Variants in ADGRB3 observed in about 807,000 individuals in gnomAD.
ADGRB3 encodes adhesion G protein-coupled receptor B3, also known as brain-specific angiogenesis inhibitor 3.
ADGRB3 carries 37 observed loss-of-function variants against 193.4 expected under a neutral mutation model. That is an observed-to-expected ratio of 0.19 (90% confidence interval 0.15 to 0.25). The LOEUF (loss-of-function observed/expected upper bound fraction) is 0.25. Among genes scored for constraint, ADGRB3 ranks in the 10% least tolerant of loss-of-function variants. The probability of loss-of-function intolerance (pLI) is 1.00; values close to 1 mark genes in which losing one functional copy is unlikely to be tolerated. For synonymous variants in ADGRB3, 690 were observed against 644.2 expected (o/e 1.07, Z -1.08); for missense variants, 1,637 against 1,852.9 (o/e 0.88, Z 2.14).
chr6:68,692,763 C>T (rs560172339), intron 3 of ADGRB3, among the ~76,000 whole-genome samples: 1 of 151,220 alleles, frequency 6.6e-6, no homozygotes, highest in African/African-American at 2.4e-5. Context: ...ATTTCTTCAT[C>T]TGTAAAATTG....
intron 20 of ADGRB3, among the ~76,000 whole-genome samples, chr6:69,271,572 C>G (rs1767179591): frequency 6.6e-6 from 1 of 152,098 alleles, no homozygotes; most frequent in African/African-American, 2.4e-5. Flanking sequence ...TCCAAGTTCC[C>G]TTAATTATGT....
At position 69,389,197 on chromosome 6, in the gene ADGRB3, A is replaced by G. The variant is rs912248196; in HGVS notation, c.*306A>G. 2 of 200,512 alleles carry G rather than the reference A, an allele frequency of 1.0e-5. No homozygotes were observed. Among genetic ancestry groups the G allele is most frequent in the Admixed American group, 5.4e-5 (1 of 18,560 alleles). The allele number at this position is 200,512 out of a possible 1,614,324, so 12.4% of individuals were successfully genotyped here. On this transcript the variant is annotated 3_prime_UTR_variant, in exon 32 of 32. Coordinates refer to ENST00000370598, the MANE Select transcript of ADGRB3 (RefSeq NM_001704.3). ...CGCTTCATATGGTTTAGTTTTCAAA[A>G]AACTTCACCATGAAGCACAATGTAT...
intron 15 of ADGRB3, among the ~76,000 whole-genome samples, chr6:69,054,887 T>G (rs931362678): frequency 2.0e-5 from 3 of 152,168 alleles, no homozygotes; most frequent in Non-Finnish European, 4.4e-5. Flanking sequence ...GTACCCAAAT[T>G]CCCATACTAT....
intron 17 of ADGRB3, among the ~76,000 whole-genome samples, chr6:69,166,775 C>T (rs895504513): frequency 6.6e-6 from 1 of 152,088 alleles, no homozygotes; most frequent in African/African-American, 2.4e-5. Flanking sequence ...TAGCTGTATC[C>T]TTCCATCTTC....
chr6:69,001,096 G>A (rs192385585), intron 11 of ADGRB3, among the ~76,000 whole-genome samples: 1 of 152,304 alleles, frequency 6.6e-6, no homozygotes, highest in East Asian at 1.9e-4. Flanking sequence ...AGTATAGCAT[G>A]TTCCACTTCT....
intron 3 of ADGRB3, among the ~76,000 whole-genome samples, chr6:68,794,025 C>T (rs1309069327): frequency 6.6e-6 from 1 of 152,100 alleles, no homozygotes; most frequent in East Asian, 1.9e-4. Flanking sequence ...GTAAAGCTGT[C>T]TCATTAGAAC....
intron 3 of ADGRB3, among the ~76,000 whole-genome samples, chr6:68,853,288 A>G (rs1768442273): frequency 6.6e-6 from 1 of 152,082 alleles, no homozygotes; most frequent in Non-Finnish European, 1.5e-5. Context: ...GAAAAAACCA[A>G]TTAACATCTT....
intron 20 of ADGRB3, among the ~76,000 whole-genome samples, chr6:69,254,957 G>T (rs968522637): frequency 4.7e-5 from 7 of 149,202 alleles, no homozygotes; most frequent in Admixed American, 4.1e-4. Context: ...AACATGTGGT[G>T]TTTGGTTTTT....
chr6:69,169,550 G>T (rs140507929), intron 17 of ADGRB3, among the ~76,000 whole-genome samples: 3 of 148,672 alleles, frequency 2.0e-5, no homozygotes, highest in African/African-American at 7.4e-5. Context: ...ATATAAGCAC[G>T]AATTGTGATT....
chr6:69,302,235 A>C lies in ADGRB3; in HGVS notation c.2815-22637A>C, dbSNP rs553916220. On this transcript the variant is annotated intron_variant, in intron 20 of 31. Coordinates refer to ENST00000370598, the MANE Select transcript of ADGRB3 (RefSeq NM_001704.3). ...TTTAAGTGCTCTAAGTGATAGGCTA[A>C]TTCACCAGTATTGCAAATGCAGTTA... Among the ~76,000 whole-genome samples, 5 of 152,132 alleles carry C rather than the reference A, an allele frequency of 3.3e-5. No individual in the cohort carries two copies. The South Asian group carries it at 8.3e-4, about 25-fold the overall frequency.
intron 17 of ADGRB3, among the ~76,000 whole-genome samples, chr6:69,084,820 A>G (rs914482704): frequency 6.6e-6 from 1 of 152,156 alleles, no homozygotes; most frequent in African/African-American, 2.4e-5. Context: ...GAGGTGAATG[A>G]TAAGAATCAA....
intron 13 of ADGRB3, among the ~76,000 whole-genome samples, chr6:69,023,568 A>G (rs1770333322): frequency 6.6e-6 from 1 of 152,166 alleles, no homozygotes; most frequent in Non-Finnish European, 1.5e-5. Flanking sequence ...TATGTATAGA[A>G]GTGAAGGAAG....
chr6:68,679,105 T>C (rs545110147), intron 3 of ADGRB3, among the ~76,000 whole-genome samples: 13 of 152,298 alleles, frequency 8.5e-5, no homozygotes, highest in Admixed American at 1.3e-4. Flanking sequence ...TTCTAAATTA[T>C]ATAGGAGTCA....
intron 10 of ADGRB3, among the ~76,000 whole-genome samples, chr6:68,991,657 G>A (rs16900396): frequency 0.02 from 3,008 of 152,014 alleles, 48 homozygotes; most frequent in East Asian, 0.051. Flanking sequence ...TGCCACTAGA[G>A]CACAGCAAAT....
At chr6:68,826,366 T>C (rs1181282330) in intron 3 of ADGRB3, among the ~76,000 whole-genome samples, 1 of 152,062 alleles carries the variant, frequency 6.6e-6, no homozygotes, top group African/African-American at 2.4e-5. Flanking sequence ...GTGTGGAAGC[T>C]GGGAACAGTA....
chr6:69,387,847 G>C (rs897219608), intron 31 of ADGRB3, among the ~76,000 whole-genome samples: 4 of 152,026 alleles, frequency 2.6e-5, no homozygotes, highest in African/African-American at 9.7e-5. Flanking sequence ...TTAAACGCCA[G>C]ATTTGGGGAG....
chr6:69,092,708 A>T (rs1313863176), intron 17 of ADGRB3, among the ~76,000 whole-genome samples: 2 of 152,212 alleles, frequency 1.3e-5, no homozygotes, highest in Non-Finnish European at 2.9e-5. Context: ...AAAAGTACAT[A>T]GAAGGCAGAA....
chr6:68,984,241 T>G (rs990290392), intron 10 of ADGRB3, among the ~76,000 whole-genome samples: 13 of 152,120 alleles, frequency 8.5e-5, no homozygotes, highest in African/African-American at 3.1e-4. Flanking sequence ...GACTGGAAAC[T>G]TTGAAACCTG....
intron 3 of ADGRB3, among the ~76,000 whole-genome samples, chr6:68,753,396 A>C (rs182622829): frequency 6.6e-6 from 1 of 152,290 alleles, no homozygotes; most frequent in Non-Finnish European, 1.5e-5. Flanking sequence ...TTAAGCCGCG[A>C]AGTAGTAGGT....
Sources: allele counts gnomAD v4.1 joint callset (sites outside exome capture counted in the v4.1 genomes callset), GRCh38; gene constraint gnomAD v4.1.1; transcripts MANE v1.5; gene names NCBI Gene and HGNC (gene_info 2026-07-23, HGNC 2026-07-21).